CAMKMT: variants seen among roughly 807,000 people sequenced by gnomAD.
The protein encoded by CAMKMT is CaM KMT.
A neutral mutation model predicts 48.0 loss-of-function variants in CAMKMT; 53 were observed. The ratio of observed to expected loss-of-function variants is 1.10; its 90% confidence interval spans 0.89 to 1.39. The LOEUF (loss-of-function observed/expected upper bound fraction) is 1.39, where lower values mean the gene tolerates loss of function less well. CAMKMT is among the 40% of genes most tolerant of loss of function. CAMKMT has a pLI of 0.00. For missense variants in CAMKMT, 428 were observed against 402.7 expected (o/e 1.06, Z -0.54); for synonymous variants, 165 against 152.3 (o/e 1.08, Z -0.61).
chr2:44,492,900 T>TC (rs1248154249), intron 3 of CAMKMT, among the ~76,000 whole-genome samples: 2 of 151,262 alleles, frequency 1.3e-5, no homozygotes, highest in African/African-American at 4.9e-5. Flanking sequence ...TTTTTTTTTT[T>TC]TTTCTTTTTT....
chr2:44,556,885 C>T (rs115690876), intron 3 of CAMKMT, among the ~76,000 whole-genome samples: 92 of 152,018 alleles, frequency 6.1e-4, no homozygotes, highest in African/African-American at 2.0e-3. Context: ...TGAGACCAGC[C>T]TGGCAAGATA....
At chr2:44,446,189 C>T (rs547693723) in intron 3 of CAMKMT, among the ~76,000 whole-genome samples, 29 of 152,094 alleles carry the variant, frequency 1.9e-4, no homozygotes, top group African/African-American at 6.0e-4. Context: ...CTCAGGTGAT[C>T]GGCTCACCTT....
At chr2:44,595,304 A>G (rs1051037485) in intron 3 of CAMKMT, among the ~76,000 whole-genome samples, 1 of 152,114 alleles carries the variant, frequency 6.6e-6, no homozygotes, top group Non-Finnish European at 1.5e-5. Flanking sequence ...GTTACTGGGT[A>G]TATACCCAAA....
intron 3 of CAMKMT, among the ~76,000 whole-genome samples, chr2:44,546,812 G>A (rs967920310): frequency 6.6e-6 from 1 of 152,204 alleles, no homozygotes; most frequent in Non-Finnish European, 1.5e-5. Context: ...GTGTCCCTGG[G>A]CTGTTGTAAT....
At chr2:44,768,387 A>G (rs1229890072) in intron 10 of CAMKMT, among the ~76,000 whole-genome samples, 1 of 130,686 alleles carries the variant, frequency 7.7e-6, no homozygotes, top group Non-Finnish European at 1.6e-5. Context: ...TAATAATGAG[A>G]GCTATTTCAG....
intron 3 of CAMKMT, among the ~76,000 whole-genome samples, chr2:44,689,969 TTAAC>T (rs1207922607): frequency 1.2e-4 from 19 of 152,356 alleles, no homozygotes; most frequent in East Asian, 5.8e-4. Context: ...ATATGCTTGA[TTAAC>T]TAAATAAGCA....
At chr2:44,576,734 TA>T (rs1266456631) in intron 3 of CAMKMT, among the ~76,000 whole-genome samples, 1 of 152,154 alleles carries the variant, frequency 6.6e-6, no homozygotes, top group Non-Finnish European at 1.5e-5. Context: ...AGGTCAAAAA[TA>T]AAAGTAAGTG....
intron 3 of CAMKMT, among the ~76,000 whole-genome samples, chr2:44,602,693 G>C (rs1048985977): frequency 1.3e-5 from 2 of 152,044 alleles, no homozygotes; most frequent in Non-Finnish European, 2.9e-5. Context: ...GAGCTGGAGA[G>C]AGAGAGAACA....
chr2:44,404,507 G>A (rs982298483), intron 3 of CAMKMT, among the ~76,000 whole-genome samples: 26 of 152,174 alleles, frequency 1.7e-4, no homozygotes, highest in Middle Eastern at 3.4e-3. Context: ...TTTGATCAGT[G>A]CAATATATTT....
intron 6 of CAMKMT, 82 bp from the exon 7 acceptor site, chr2:44,715,205 A>G: frequency 1.1e-6 from 1 of 907,310 alleles, no homozygotes; most frequent in Non-Finnish European, 1.7e-6. Flanking sequence ...AAAAAAAAAA[A>G]AAAAAAAGAT....
intron 7 of CAMKMT, among the ~76,000 whole-genome samples, chr2:44,722,741 T>C (rs1336521394): frequency 1.3e-5 from 2 of 152,246 alleles, no homozygotes; most frequent in Non-Finnish European, 2.9e-5. Context: ...AGATGGTATA[T>C]AATTGTACTT....
chr2:44,695,417 C>T (rs911427941), intron 3 of CAMKMT, among the ~76,000 whole-genome samples: 3 of 152,128 alleles, frequency 2.0e-5, no homozygotes, highest in Non-Finnish European at 2.9e-5. Context: ...TGAAGTCCCC[C>T]TACTCACTAT....
At chr2:44,753,405 C>CA (rs201960068) in intron 8 of CAMKMT, among the ~76,000 whole-genome samples, 7,048 of 65,618 alleles carry the variant, frequency 0.11, 215 homozygotes, top group Admixed American at 0.22. Context: ...GTCTCAGAAA[C>CA]AAAAAAAAAA....
At chr2:44,380,081 A>C (rs1018396412) in intron 2 of CAMKMT, among the ~76,000 whole-genome samples, 3 of 152,048 alleles carry the variant, frequency 2.0e-5, no homozygotes, top group African/African-American at 7.2e-5. Context: ...ACCTCTTGGC[A>C]TGTTTAGGCT....
chr2:44,656,308 A>C (rs1323515128), intron 3 of CAMKMT, among the ~76,000 whole-genome samples: 1 of 152,208 alleles, frequency 6.6e-6, no homozygotes, highest in Non-Finnish European at 1.5e-5. Context: ...TTCATAAGAC[A>C]GTACATTTAA....
At chr2:44,712,373 A>G (rs748655131) in intron 6 of CAMKMT, among the ~76,000 whole-genome samples, 4 of 152,172 alleles carry the variant, frequency 2.6e-5, no homozygotes, top group African/African-American at 9.6e-5. Flanking sequence ...CTACTGATAA[A>G]TAATTGCTAA....
intron 2 of CAMKMT, among the ~76,000 whole-genome samples, chr2:44,382,067 G>A (rs996772252): frequency 6.6e-6 from 1 of 150,724 alleles, no homozygotes; most frequent in African/African-American, 2.4e-5. Context: ...TCAGCCTCCT[G>A]AGTAGTTGGG....
intron 3 of CAMKMT, among the ~76,000 whole-genome samples, chr2:44,420,639 G>A (rs1683874213): frequency 6.6e-6 from 1 of 151,842 alleles, no homozygotes; most frequent in South Asian, 2.1e-4. Flanking sequence ...AAACCTGGGA[G>A]CAGTGAGGCA....
intron 7 of CAMKMT, among the ~76,000 whole-genome samples, chr2:44,738,202 A>T (rs536535139): frequency 6.6e-6 from 1 of 151,900 alleles, no homozygotes; most frequent in Non-Finnish European, 1.5e-5. Flanking sequence ...CATTTCCTCC[A>T]TCTATGCTAT....
Sources: gnomAD v4.1 joint callset for allele counts (sites outside exome capture counted in the v4.1 genomes callset) on GRCh38, gnomAD v4.1.1 for gene constraint, MANE v1.5 for transcripts, NCBI Gene and HGNC (gene_info 2026-07-23, HGNC 2026-07-21) for gene names.